Variants in SEH1L observed in about 807,000 individuals in gnomAD.
The protein encoded by SEH1L is SEH1 like nucleoporin.
SEH1L carries 18 observed loss-of-function variants against 49.5 expected under a neutral mutation model. The observed-to-expected ratio is 0.36, with a 90% CI of 0.25 to 0.54. The LOEUF is 0.54. Ranked by LOEUF, SEH1L falls within the 20% of genes least tolerant of loss-of-function variation. The pLI, the probability that SEH1L is intolerant of heterozygous loss-of-function variation, is 0.87. For missense variants in SEH1L, 404 were observed against 528.8 expected (o/e 0.76, Z 2.31); for synonymous variants, 169 against 178.1 (o/e 0.95, Z 0.41).
At chr18:12,949,690 T>G (rs531891162) in intron 1 of SEH1L, among the ~76,000 whole-genome samples, 1 of 151,964 alleles carries the variant, frequency 6.6e-6, no homozygotes, top group South Asian at 2.1e-4. Flanking sequence ...CCTGACCTCG[T>G]GATCCGCCCA....
chr18:12,959,480 C>A (rs904610025), intron 3 of SEH1L, among the ~76,000 whole-genome samples: 39 of 152,144 alleles, frequency 2.6e-4, no homozygotes, highest in African/African-American at 9.2e-4. Context: ...CGTGGCCAGC[C>A]CCAGTTAAGC....
At chr18:12,982,776 C>T in intron 7 of SEH1L, 101 bp downstream of exon 7, 1 of 903,798 alleles carries the variant, frequency 1.1e-6, no homozygotes, top group Non-Finnish European at 1.7e-6. Flanking sequence ...TGGTCTTTTA[C>T]AGTTACTTTT....
intron 4 of SEH1L, among the ~76,000 whole-genome samples, chr18:12,963,896 A>G (rs560569404): frequency 6.6e-6 from 1 of 152,306 alleles, no homozygotes; most frequent in South Asian, 2.1e-4. Context: ...CATTTTTAGT[A>G]GACATGGGGT....
At chr18:12,948,560 G>A in intron 1 of SEH1L, 1 of 215,982 alleles carries the variant, frequency 4.6e-6, no homozygotes, top group Non-Finnish European at 9.1e-6. Context: ...CCTCGGCGTC[G>A]TGGGTCTTGC....
intron 5 of SEH1L, chr18:12,975,664 T>A: frequency 1.0e-6 from 1 of 980,316 alleles, no homozygotes; most frequent in Non-Finnish European, 1.2e-6. Context: ...CCAAGTCTGA[T>A]CTCTATCCTG....
chr18:12,953,706 G>A (rs1335960025), intron 2 of SEH1L, among the ~76,000 whole-genome samples: 1 of 152,140 alleles, frequency 6.6e-6, no homozygotes, highest in Non-Finnish European at 1.5e-5. Context: ...TAATTTCAGA[G>A]TAAACAATTA....
intron 3 of SEH1L, among the ~76,000 whole-genome samples, chr18:12,959,243 C>G (rs2031052804): frequency 6.6e-6 from 1 of 152,092 alleles, no homozygotes; most frequent in Non-Finnish European, 1.5e-5. Context: ...ATATTAATCC[C>G]TTATCTGTTA....
At chr18:12,966,410 T>C (rs1256265694) in intron 4 of SEH1L, among the ~76,000 whole-genome samples, 2 of 151,566 alleles carry the variant, frequency 1.3e-5, no homozygotes, top group African/African-American at 4.8e-5. Flanking sequence ...TTATTTATTA[T>C]TTTTTATGTA....
At chr18:12,952,808 G>A (rs1285439954) in intron 2 of SEH1L, among the ~76,000 whole-genome samples, 4 of 137,580 alleles carry the variant, frequency 2.9e-5, no homozygotes, top group South Asian at 2.2e-4. Context: ...TTGAGCTGGC[G>A]TCTTGCTCTG....
At chr18:12,985,377 G>C in intron 8 of SEH1L, 8 of 1,473,610 alleles carry the variant, frequency 5.4e-6, no homozygotes, top group Non-Finnish European at 7.2e-6. Flanking sequence ...CCAGCAGCCT[G>C]CTTACTACTA....
At position 12,987,223 on chromosome 18, in the gene SEH1L, G is replaced by A. The variant is rs771476203; in HGVS notation, c.*166G>A. The A allele has an allele frequency of 8.2e-5, 38 of 464,678 alleles. No individual in the cohort carries two copies. Among genetic ancestry groups the A allele is most frequent in the East Asian group, 1.7e-4 (5 of 29,226 alleles). The allele number at this position is 464,678 out of a possible 1,614,324, so 28.8% of individuals were successfully genotyped here. On this transcript the variant is annotated 3_prime_UTR_variant, in exon 9 of 9. Transcript: ENST00000399892. ...GTTTGGAACCTAAATCTGTTTGTGC[G>A]TCTGCATCAAAGGAACATTTGCTTC...
chr18:12,967,806 C>T (rs1202315510), intron 4 of SEH1L, among the ~76,000 whole-genome samples: 4 of 151,960 alleles, frequency 2.6e-5, no homozygotes, highest in Admixed American at 1.3e-4. Flanking sequence ...CCCAGCTACT[C>T]AGGAGGCTGA....
intron 8 of SEH1L, chr18:12,985,298 T>C (rs763582993): frequency 6.3e-7 from 1 of 1,599,874 alleles, no homozygotes; most frequent in Non-Finnish European, 8.5e-7. Context: ...GCTTGTTGCA[T>C]GCACACAGGA....
chr18:12,971,919 T>C (rs933278527), intron 5 of SEH1L: 4 of 152,052 alleles, frequency 2.6e-5, no homozygotes, highest in Non-Finnish European at 5.9e-5. Flanking sequence ...AGGGAGTATA[T>C]TTATACTGTT....
At position 12,974,924 on chromosome 18, in the gene SEH1L, T is replaced by G. The variant is rs527984265; in HGVS notation, c.620+3673T>G. ...TTGTTCATTCTCTTTATTTACACTC[T>G]CATTGAGGATCTTATTTGGCTCCTT... On this transcript the variant is annotated intron_variant, in intron 5 of 8. Transcript: ENST00000399892. Among the ~76,000 whole-genome samples, 15 of 152,344 alleles carry G rather than the reference T, an allele frequency of 9.8e-5. No individual in the cohort carries two copies. The South Asian group carries it at 3.1e-3, about 32-fold the overall frequency.
intron 8 of SEH1L, chr18:12,986,166 T>A: frequency 1.0e-6 from 1 of 984,968 alleles, no homozygotes; most frequent in Non-Finnish European, 1.2e-6. Context: ...CTGTTTAAAT[T>A]AATTCATGTC....
At chr18:12,961,155 A>C (rs2031157253) in intron 3 of SEH1L, among the ~76,000 whole-genome samples, 2 of 152,126 alleles carry the variant, frequency 1.3e-5, no homozygotes, top group African/African-American at 4.8e-5. Context: ...CAGTGTGTTT[A>C]CTGGAGTTGC....
chr18:12,980,142 T>C (rs2032134620), intron 6 of SEH1L, among the ~76,000 whole-genome samples: 1 of 104,778 alleles, frequency 9.5e-6, no homozygotes. Context: ...GGCTCCTCAC[T>C]TCCCAGTAGG....
At chr18:12,980,957 G>A (rs535458519) in intron 6 of SEH1L, among the ~76,000 whole-genome samples, 77 of 150,862 alleles carry the variant, frequency 5.1e-4, no homozygotes, top group South Asian at 1.5e-3. Context: ...GGTGGCTGCC[G>A]GGCGGAGATG....
Sources: gnomAD v4.1 joint callset for allele counts (sites outside exome capture counted in the v4.1 genomes callset) on GRCh38, gnomAD v4.1.1 for gene constraint, MANE v1.5 for transcripts, NCBI Gene and HGNC (gene_info 2026-07-23, HGNC 2026-07-21) for gene names.